Variants in CFAP57 observed in about 807,000 individuals in gnomAD.
CFAP57 encodes the protein cilia and flagella associated protein 57, also known as cilia- and flagella-associated protein 57.
In CFAP57, 116 loss-of-function variants were observed where a neutral mutation model predicts 146.8. The observed-to-expected ratio is 0.79, with a 90% CI of 0.68 to 0.92. The LOEUF is 0.92. CFAP57 is among the 40% of genes least tolerant of loss of function. The pLI is 0.00. For synonymous variants in CFAP57, 518 were observed against 552.8 expected, an observed-to-expected ratio of 0.94 and a Z score of 0.88; for missense variants, 1,377 against 1,527.2, an observed-to-expected ratio of 0.90 and a Z score of 1.64.
intron 6 of CFAP57, among the ~76,000 whole-genome samples, chr1:43,188,407 A>G (rs1643287307): frequency 6.6e-6 from 1 of 152,172 alleles, no homozygotes; most frequent in Non-Finnish European, 1.5e-5. Flanking sequence ...TAAGCAGTAT[A>G]TGAGCATTCT....
At chr1:43,224,624 A>G (rs141182277) in intron 17 of CFAP57, among the ~76,000 whole-genome samples, 5 of 151,986 alleles carry the variant, frequency 3.3e-5, no homozygotes, top group Non-Finnish European at 7.4e-5. Flanking sequence ...TCGCAGAGGG[A>G]CTCTCCTGGG....
At chr1:43,237,047 G>GGGGTGGA (rs975995972) in intron 21 of CFAP57, among the ~76,000 whole-genome samples, 5 of 152,196 alleles carry the variant, frequency 3.3e-5, no homozygotes, top group Admixed American at 2.0e-4. Flanking sequence ...GCAGGTGGCA[G>GGGGTGGA]GGGTGGAGGG....
At chr1:43,232,297 G>A (rs3120045) in intron 18 of CFAP57, 351,947 of 589,024 alleles carry the variant, frequency 0.6, 110,271 homozygotes, top group Non-Finnish European at 0.66. Flanking sequence ...GTGGAAACAC[G>A]TGATGCTGGT....
intron 21 of CFAP57, among the ~76,000 whole-genome samples, chr1:43,235,406 A>C (rs1210590056): frequency 6.6e-6 from 1 of 152,224 alleles, no homozygotes; most frequent in East Asian, 1.9e-4. Flanking sequence ...CATCAGAATC[A>C]CATTTATAAA....
rs1365906811 is a variant in CFAP57 at position 43,172,907 on chromosome 1, C to A, written c.154C>A (p.Pro52Thr). The change falls in exon 2 of 23, where the codon CCA becomes ACA. Residue 52 changes from proline (P) to threonine (T), a missense_variant. Coordinates refer to ENST00000372492, the MANE Select transcript of CFAP57 (RefSeq NM_001378189.1). Reference protein sequence around the residue: ...NVDQKWQKFIPGSEKSQGMLA... With the variant: ...NVDQKWQKFITGSEKSQGMLA... The stretch of plus-strand genomic sequence containing the variant: ...GGATCAGAAATGGCAAAAATTCATT[C>A]CAGGTAAAACTTTTTCCATCCTGAC... The A allele has an allele frequency of 6.2e-7, 1 of 1,613,634 alleles. No homozygotes were observed. Among genetic ancestry groups the A allele is most frequent in the East Asian group, 2.2e-5 (1 of 44,870 alleles).
At chr1:43,232,402 G>T (rs1479125191) in intron 18 of CFAP57, 106 bp from the exon 19 acceptor site, 3 of 869,014 alleles carry the variant, frequency 3.5e-6, no homozygotes, top group African/African-American at 1.7e-5. Flanking sequence ...GAAAAGAAAT[G>T]CCCGGGTGTC....
intron 21 of CFAP57, among the ~76,000 whole-genome samples, chr1:43,235,544 G>A (rs928899121): frequency 6.6e-6 from 1 of 152,170 alleles, no homozygotes; most frequent in African/African-American, 2.4e-5. Context: ...TGGGCAGAGC[G>A]CACTGTGATT....
At chr1:43,208,879 C>T (rs1306532561) in intron 10 of CFAP57, among the ~76,000 whole-genome samples, 1 of 152,064 alleles carries the variant, frequency 6.6e-6, no homozygotes, top group Non-Finnish European at 1.5e-5. Flanking sequence ...TGAAGGGGCG[C>T]TCTGATAGTA....
rs563608159 is a variant in CFAP57 at position 43,193,602 on chromosome 1, C to A, written c.1123-3951C>A. ...TTTCATACTAACTTAATGCTAGTAACATATAGAAATGTTATTGCCACATAG... is the reference window on the plus strand; with the variant it reads ...TTTCATACTAACTTAATGCTAGTAAAATATAGAAATGTTATTGCCACATAG... On this transcript the variant is annotated intron_variant, in intron 6 of 22. Coordinates refer to ENST00000372492, the MANE Select transcript of CFAP57 (RefSeq NM_001378189.1). Among the ~76,000 whole-genome samples, 3 of 152,106 alleles carry A rather than the reference C, an allele frequency of 2.0e-5. No individual in the cohort carries two copies. The South Asian group carries it at 6.2e-4, about 31-fold the overall frequency.
At chr1:43,174,873 C>A (rs11210802) in intron 2 of CFAP57, among the ~76,000 whole-genome samples, 30,718 of 152,074 alleles carry the variant, frequency 0.2, 3,610 homozygotes, top group Middle Eastern at 0.3. Flanking sequence ...TTATGGTTTT[C>A]TACAGACAAC....
In CFAP57 at chr1:43,231,747, A is replaced by G. The variant is rs184739200; in HGVS notation, c.3010-761A>G. Among the ~76,000 whole-genome samples the G allele has an allele frequency of 5.3e-3, 801 of 151,828 alleles. 2 individuals are homozygous for G. Among genetic ancestry groups the G allele is most frequent in the Non-Finnish European group, 8.3e-3 (565 of 67,978 alleles). Reference sequence around the variant, plus strand: ...GTTGGGCATGGTGGCAATTGCCTGTAATCCCAGCTACTCGGGAGGCTGAGG... The same window carrying G: ...GTTGGGCATGGTGGCAATTGCCTGTGATCCCAGCTACTCGGGAGGCTGAGG... On this transcript the variant is annotated intron_variant, in intron 18 of 22. Transcript: ENST00000372492.
chr1:43,210,269 G>T (rs1644545232), intron 11 of CFAP57: 4 of 1,458,882 alleles, frequency 2.7e-6, no homozygotes, highest in Non-Finnish European at 3.6e-6. Context: ...ACTGAAAGGA[G>T]CCATAGCCCT....
At chr1:43,204,414 G>C (rs1282540876) in intron 9 of CFAP57, among the ~76,000 whole-genome samples, 35 of 151,854 alleles carry the variant, frequency 2.3e-4, no homozygotes, top group Admixed American at 2.3e-3. Flanking sequence ...TTGTTTGTTT[G>C]TTTGTTTATG....
chr1:43,225,715 T>C (rs1380711483), intron 17 of CFAP57, among the ~76,000 whole-genome samples: 1 of 152,244 alleles, frequency 6.6e-6, no homozygotes, highest in Non-Finnish European at 1.5e-5. Context: ...TTTGCTTCTG[T>C]GTCTTCTTTC....
At chr1:43,229,043 T>C (rs1222345673) in intron 18 of CFAP57, among the ~76,000 whole-genome samples, 2 of 148,096 alleles carry the variant, frequency 1.4e-5, no homozygotes, top group East Asian at 2.1e-4. Context: ...GGTTTCACCA[T>C]TGGAATTTGG....
At chr1:43,216,406 G>A (rs1485328741) in intron 12 of CFAP57, among the ~76,000 whole-genome samples, 1 of 152,206 alleles carries the variant, frequency 6.6e-6, no homozygotes, top group African/African-American at 2.4e-5. Context: ...ATGAGGGAGG[G>A]GCCCGTGAGA....
chr1:43,178,147 T>C (rs1569807993), intron 2 of CFAP57, among the ~76,000 whole-genome samples: 1 of 152,270 alleles, frequency 6.6e-6, no homozygotes, highest in Non-Finnish European at 1.5e-5. Flanking sequence ...TCAAGATGGA[T>C]TAAAGACTTA....
chr1:43,232,661 G>C (rs774825606), intron 19 of CFAP57, 37 bp downstream of exon 19: 4 of 1,455,852 alleles, frequency 2.7e-6, no homozygotes, highest in Non-Finnish European at 3.7e-6. Flanking sequence ...TCTTGGATTC[G>C]GGATCTGGCA....
chr1:43,185,526 G>A (rs1642998306), intron 5 of CFAP57, among the ~76,000 whole-genome samples, 170 bp downstream of exon 5: 1 of 151,882 alleles, frequency 6.6e-6, no homozygotes, highest in African/African-American at 2.4e-5. Context: ...TTTAGGATGA[G>A]GTGAACAGAA....
Sources: gnomAD v4.1 joint callset for allele counts (sites outside exome capture counted in the v4.1 genomes callset) on GRCh38, gnomAD v4.1.1 for gene constraint, MANE v1.5 for transcripts, NCBI Gene and HGNC (gene_info 2026-07-23, HGNC 2026-07-21) for gene names.